The following KCNH1 variants were observed in gnomAD, a reference collection of about 807,000 sequenced individuals.
KCNH1 encodes potassium voltage-gated channel subfamily H member 1.
A neutral mutation model predicts 69.2 loss-of-function variants in KCNH1; 27 were observed. That is an observed-to-expected ratio of 0.39 (90% confidence interval 0.29 to 0.54). The LOEUF is 0.54. KCNH1 is among the 20% of genes least tolerant of loss of function. KCNH1 has a pLI of 0.68. For missense variants in KCNH1, 798 were observed against 1,261.6 expected (o/e 0.63, Z 5.57); for synonymous variants, 456 against 487.7 (o/e 0.93, Z 0.86).
intron 7 of KCNH1, among the ~76,000 whole-genome samples, chr1:210,911,285 C>A (rs1687225970): frequency 6.6e-6 from 1 of 152,126 alleles, no homozygotes; most frequent in South Asian, 2.1e-4. Context: ...AGACACCCTG[C>A]ACATGTGCCC....
chr1:211,026,695 G>A (rs142989870), intron 5 of KCNH1, among the ~76,000 whole-genome samples: 33 of 152,316 alleles, frequency 2.2e-4, no homozygotes, highest in Middle Eastern at 3.4e-3. Flanking sequence ...TCCACCAACA[G>A]TAATGAGGTG....
At chr1:210,968,203 T>C (rs1455893716) in intron 6 of KCNH1, among the ~76,000 whole-genome samples, 1 of 141,500 alleles carries the variant, frequency 7.1e-6, no homozygotes, top group Non-Finnish European at 1.5e-5. Flanking sequence ...GAACTCATCA[T>C]TTTTTATGGC....
At chr1:211,029,676 C>T (rs1689747840) in intron 5 of KCNH1, among the ~76,000 whole-genome samples, 1 of 152,064 alleles carries the variant, frequency 6.6e-6, no homozygotes, top group Non-Finnish European at 1.5e-5. Context: ...AATTCTTAAT[C>T]AACACAGTAC....
chr1:211,060,394 C>G (rs1214025554), intron 5 of KCNH1, among the ~76,000 whole-genome samples: 5 of 101,212 alleles, frequency 4.9e-5, no homozygotes, highest in Non-Finnish European at 9.7e-5. Flanking sequence ...GAGCGAGACT[C>G]CGTCTCAAAA....
intron 7 of KCNH1, among the ~76,000 whole-genome samples, chr1:210,856,677 T>C (rs1371160145): frequency 6.7e-6 from 1 of 149,778 alleles, no homozygotes; most frequent in Non-Finnish European, 1.5e-5. Flanking sequence ...CCTGCCCTCA[T>C]GCTAGAACTT....
chr1:210,750,228 C>T (rs1683253999), intron 10 of KCNH1, among the ~76,000 whole-genome samples: 1 of 152,164 alleles, frequency 6.6e-6, no homozygotes, highest in South Asian at 2.1e-4. Flanking sequence ...ATAATACCAA[C>T]CTCATAAAGT....
chr1:210,930,334 A>G (rs954066182), intron 6 of KCNH1, among the ~76,000 whole-genome samples: 2 of 152,210 alleles, frequency 1.3e-5, no homozygotes, highest in Non-Finnish European at 2.9e-5. Flanking sequence ...GTATAAAAAT[A>G]AGCACATAGA....
At chr1:210,692,129 T>A (rs549016485) in intron 10 of KCNH1, among the ~76,000 whole-genome samples, 17 of 152,338 alleles carry the variant, frequency 1.1e-4, no homozygotes, top group African/African-American at 4.1e-4. Flanking sequence ...CTGGCGTTAA[T>A]CAAGAATGAC....
intron 10 of KCNH1, among the ~76,000 whole-genome samples, chr1:210,712,608 T>C (rs1187766650): frequency 6.6e-6 from 1 of 152,202 alleles, no homozygotes; most frequent in Non-Finnish European, 1.5e-5. Flanking sequence ...GGTATGACTG[T>C]CCATTCCTCC....
chr1:210,873,514 A>AT (rs201079503), intron 7 of KCNH1, among the ~76,000 whole-genome samples: 82 of 150,746 alleles, frequency 5.4e-4, no homozygotes, highest in Middle Eastern at 3.4e-3. Flanking sequence ...TGCCCAGCTT[A>AT]TTTTTTTTTA....
chr1:210,685,822 A>G (rs149144753), intron 10 of KCNH1, among the ~76,000 whole-genome samples: 29 of 152,310 alleles, frequency 1.9e-4, no homozygotes, highest in Non-Finnish European at 3.2e-4. Context: ...TGATTGTTTT[A>G]TAGTGCCCAA....
intron 7 of KCNH1, among the ~76,000 whole-genome samples, chr1:210,811,072 G>A (rs1684691740): frequency 1.3e-5 from 2 of 152,238 alleles, no homozygotes; most frequent in Admixed American, 1.3e-4. Flanking sequence ...ATTAAGTGAG[G>A]GAGAGAAAGG....
chr1:211,020,878 G>GA (rs1038186538), intron 5 of KCNH1, among the ~76,000 whole-genome samples: 6 of 149,402 alleles, frequency 4.0e-5, no homozygotes, highest in Non-Finnish European at 7.4e-5. Context: ...CAGCAGTAGG[G>GA]AAAAAAAAAT....
Position 211,052,628 on chromosome 1 carries a change from T to C in KCNH1, c.558+30152A>G, listed in dbSNP as rs74156880. On this transcript the variant is annotated intron_variant, in intron 5 of 10. Transcript: ENST00000271751. ...GAATAGGAAATCTCAATTTTAGAGA[T>C]TGGCAAACAAGGGAGCTTCTTTCTA... is the stretch of plus-strand genomic sequence containing the variant. Among the ~76,000 whole-genome samples, 449 of 152,328 alleles carry C rather than the reference T, an allele frequency of 2.9e-3. 1 individual carries two copies. Among genetic ancestry groups the C allele is most frequent in the African/African-American group, 0.01 (428 of 41,578 alleles).
Position 210,775,333 on chromosome 1 carries a change from A to C in KCNH1, c.2112+15T>G. The C allele has an allele frequency of 6.2e-7, 1 of 1,611,696 alleles. No individual in the cohort carries two copies. The highest frequency in any genetic ancestry group is 8.5e-7 in the Non-Finnish European group (1 of 1,178,138). On this transcript the variant is annotated intron_variant, in intron 10 of 10. Transcript: ENST00000271751. ...GACTGTTCTTTGTGGAAAATAACTG[A>C]AACTTTTAGCTCACCCTCTTCCTCA... is the stretch of plus-strand genomic sequence containing the variant.
intron 10 of KCNH1, among the ~76,000 whole-genome samples, chr1:210,693,980 G>A (rs1357272954): frequency 3.9e-5 from 6 of 152,136 alleles, no homozygotes; most frequent in African/African-American, 7.2e-5. Flanking sequence ...CTGCTTGCCC[G>A]CTTATGTCTC....
intron 5 of KCNH1, among the ~76,000 whole-genome samples, chr1:211,029,334 TAAAAAAAAAAAAAA>T (rs58241322): frequency 4.3e-5 from 1 of 23,140 alleles, no homozygotes; most frequent in African/African-American, 2.0e-4. Context: ...TCCTGTCACT[TAAAAAAAAAAAAAA>T]AAAAAAAAAA....
intron 7 of KCNH1, among the ~76,000 whole-genome samples, chr1:210,851,307 C>A (rs1205389713): frequency 2.6e-5 from 4 of 152,182 alleles, no homozygotes; most frequent in Non-Finnish European, 5.9e-5. Context: ...ATTTCTTGAG[C>A]TAAGACATAA....
At position 210,859,852 on chromosome 1, in the gene KCNH1, C is replaced by A. The variant is rs576230081; in HGVS notation, c.1463-55686G>T. The A allele has an allele frequency of 4.3e-6, 5 of 1,156,896 alleles. No individual in the cohort carries two copies. The East Asian group carries it at 9.4e-5, about 22-fold the overall frequency. The allele number at this position is 1,156,896 out of a possible 1,614,324, so 71.7% of individuals were successfully genotyped here. A position where few individuals can be genotyped will look rare whatever the true frequency, so the allele number is the denominator to read the frequency against. On this transcript the variant is annotated intron_variant, in intron 7 of 10. Coordinates refer to ENST00000271751, the MANE Select transcript of KCNH1 (RefSeq NM_172362.3). The stretch of plus-strand genomic sequence containing the variant: ...CTAATAAAATGATTTGTAACTGGTT[C>A]AACATTATTAGGGAAGTGAAGATTT...
Sources: gnomAD v4.1 joint callset for allele counts (sites outside exome capture counted in the v4.1 genomes callset) on GRCh38, gnomAD v4.1.1 for gene constraint, MANE v1.5 for transcripts, NCBI Gene and HGNC (gene_info 2026-07-23, HGNC 2026-07-21) for gene names.